The following EDNRB variants were observed in gnomAD, a reference collection of about 807,000 sequenced individuals.
EDNRB encodes endothelin receptor type B.
EDNRB carries 18 observed loss-of-function variants against 46.4 expected under a neutral mutation model. The ratio of observed to expected loss-of-function variants is 0.39; its 90% CI spans 0.27 to 0.57. EDNRB has a LOEUF of 0.57. EDNRB is among the 20% of genes least tolerant of loss of function. The pLI is 0.61. For missense variants in EDNRB, 434 were observed against 537.5 expected (o/e 0.81, Z 1.90); for synonymous variants, 213 against 204.9 (o/e 1.04, Z -0.34).
At chr13:77,928,525 T>C (rs1033899230) in intron 1 of EDNRB, among the ~76,000 whole-genome samples, 5 of 152,226 alleles carry the variant, frequency 3.3e-5, no homozygotes, top group Non-Finnish European at 7.3e-5. Flanking sequence ...GGAATGTCTT[T>C]CCTGAAAATG....
intron 1 of EDNRB, among the ~76,000 whole-genome samples, chr13:77,960,369 T>C (rs1055028916): frequency 6.6e-6 from 1 of 151,904 alleles, no homozygotes; most frequent in Middle Eastern, 3.2e-3. Context: ...CAGAAGAGAG[T>C]GGGGGCCAAT....
intron 1 of EDNRB, among the ~76,000 whole-genome samples, chr13:77,931,042 G>T (rs1174864151): frequency 1.3e-5 from 2 of 152,162 alleles, no homozygotes; most frequent in Non-Finnish European, 2.9e-5. Flanking sequence ...GTCTCCAGAT[G>T]CTGTTTTTGA....
At chr13:77,943,537 G>A (rs868590772) in intron 1 of EDNRB, among the ~76,000 whole-genome samples, 5 of 152,038 alleles carry the variant, frequency 3.3e-5, no homozygotes, top group Admixed American at 6.5e-5. Context: ...ACTAAACTTC[G>A]AAAGATATTC....
intron 1 of EDNRB, among the ~76,000 whole-genome samples, chr13:77,963,327 A>G (rs1881482547): frequency 6.6e-6 from 1 of 152,242 alleles, no homozygotes; most frequent in Admixed American, 6.5e-5. Context: ...TCCTAAGCCA[A>G]AAGAACAAAG....
Position 77,903,539 on chromosome 13 carries a change from A to G in EDNRB, c.552T>C (p.Ser184=), listed in dbSNP as rs5348. ...ATAGACTCAGCACAGTGATTCCCAC[A>G]GAGGCTTTCTGTATGAAAGGCACCA... ...CKLVPFIQKA[S]VGITVLSLCA... The change falls in exon 2 of 7, where the codon TCT becomes TCC. Residue 184 remains serine (S), a synonymous_variant. Transcript: ENST00000646607. The G allele has an allele frequency of 1, 1,607,908 of 1,612,874 alleles. 801,580 individuals are homozygous for G. The highest frequency in any genetic ancestry group is 1 in the East Asian group (44,806 of 44,810).
At chr13:77,963,077 C>T (rs1881474357) in intron 1 of EDNRB, among the ~76,000 whole-genome samples, 1 of 152,082 alleles carries the variant, frequency 6.6e-6, no homozygotes. Context: ...TGTGAAGGAC[C>T]TCTTCAAGGA....
chr13:77,924,189 C>T (rs1880166722), upstream of EDNRB, among the ~76,000 whole-genome samples: 1 of 152,150 alleles, frequency 6.6e-6, no homozygotes, highest in Non-Finnish European at 1.5e-5. Context: ...CAAAGCCATG[C>T]CAATTTCATA....
chr13:77,924,158 C>A (rs1444184077), upstream of EDNRB, among the ~76,000 whole-genome samples: 1 of 152,132 alleles, frequency 6.6e-6, no homozygotes, highest in African/African-American at 2.4e-5. Context: ...TTTGTCAAAG[C>A]GAGGGATCAT....
chr13:77,906,422 G>A (rs2137618241), intron 1 of EDNRB, among the ~76,000 whole-genome samples: 1 of 152,138 alleles, frequency 6.6e-6, no homozygotes, highest in South Asian at 2.1e-4. Flanking sequence ...CCCTGCCTTT[G>A]AATGTGGATT....
chr13:77,943,234 G>A (rs1168110886), intron 1 of EDNRB, among the ~76,000 whole-genome samples: 1 of 152,122 alleles, frequency 6.6e-6, no homozygotes, highest in Non-Finnish European at 1.5e-5. Flanking sequence ...CTGGTACACA[G>A]ACAGACTTGA....
At position 77,899,915 on chromosome 13, in the gene EDNRB, A is replaced by T; in HGVS notation, c.1138T>A (p.Cys380Ser). ...AAATACAGAGCAATTGGGTTAATGCAGGAATTCAGTGAAGCCATGTTGATA... is the reference window on the plus strand; with the variant it reads ...AAATACAGAGCAATTGGGTTAATGCTGGAATTCAGTGAAGCCATGTTGATA... ...IGINMASLNS[C>S]INPIALYLVS... The change falls in exon 6 of 7, where the codon TGC becomes AGC. Residue 380 changes from cysteine (C) to serine (S), a missense_variant. Cys to Ser is a moderately radical substitution (Grantham distance 112). Coordinates refer to ENST00000646607, the MANE Select transcript of EDNRB (RefSeq NM_001122659.3). 6.2e-7 allele frequency: 1 copy of T among 1,612,090 alleles called. No individual in the cohort carries two copies. The highest frequency in any genetic ancestry group is 1.1e-5 in the South Asian group (1 of 91,056).
chr13:77,926,664 C>T (rs571179673), intron 1 of EDNRB, among the ~76,000 whole-genome samples: 1 of 152,188 alleles, frequency 6.6e-6, no homozygotes, highest in Non-Finnish European at 1.5e-5. Flanking sequence ...TCTGAGCCCT[C>T]TAAACTCTTC....
intron 1 of EDNRB, among the ~76,000 whole-genome samples, chr13:77,910,861 T>C (rs907467800): frequency 2.6e-5 from 4 of 151,912 alleles, no homozygotes; most frequent in Non-Finnish European, 2.9e-5. Flanking sequence ...AATAGAACAA[T>C]GGCTTATGAA....
At chr13:77,936,964 C>A (rs1348194493) in intron 1 of EDNRB, among the ~76,000 whole-genome samples, 1 of 152,152 alleles carries the variant, frequency 6.6e-6, no homozygotes, top group Non-Finnish European at 1.5e-5. Flanking sequence ...TTATTGTACA[C>A]CTTGAAGGCG....
Position 77,896,568 on chromosome 13 carries a change from G to T in EDNRB, c.*1632C>A, listed in dbSNP as rs876657804. ...CAACATGTGGCCCAGCCTATTAAAA[G>T]AAAAACAAAGTAAAAATTTGGGCAT... On this transcript the variant is annotated 3_prime_UTR_variant, in exon 7 of 7. Coordinates refer to ENST00000646607, the MANE Select transcript of EDNRB (RefSeq NM_001122659.3). 6.5e-7 allele frequency: 1 copy of T among 1,549,328 alleles called. No individual in the cohort carries two copies. The highest frequency in any genetic ancestry group is 2.0e-5 in the Admixed American group (1 of 50,822).
intron 1 of EDNRB, among the ~76,000 whole-genome samples, chr13:77,933,919 A>C (rs1004867282): frequency 3.3e-5 from 5 of 152,214 alleles, no homozygotes; most frequent in Non-Finnish European, 7.3e-5. Flanking sequence ...ACTAAACAGA[A>C]TAAAAGAAGG....
intron 1 of EDNRB, among the ~76,000 whole-genome samples, chr13:77,966,752 GT>G (rs1441661010): frequency 2.0e-5 from 3 of 152,150 alleles, no homozygotes; most frequent in Non-Finnish European, 4.4e-5. Context: ...TTTTGCAGAA[GT>G]AAAAATTTTT....
At chr13:77,966,768 C>G (rs998923914) in intron 1 of EDNRB, among the ~76,000 whole-genome samples, 1 of 152,042 alleles carries the variant, frequency 6.6e-6, no homozygotes, top group South Asian at 2.1e-4. Flanking sequence ...ATTTTTTTAT[C>G]TCTTATATTT....
In EDNRB at chr13:77,895,612, T is replaced by C. The variant is rs202127789; in HGVS notation, c.*2588A>G. The C allele has an allele frequency of 6.6e-6, 1 of 152,076 alleles. No homozygotes were observed. The highest frequency in any genetic ancestry group is 2.4e-5 in the African/African-American group (1 of 41,444). 9.4% of individuals were successfully genotyped at this position (152,076 alleles called of 1,614,324 possible). A position where few individuals can be genotyped will look rare whatever the true frequency, so the allele number is the denominator to read the frequency against. ...AACAATCAATTAGTATTTAATGAAT[T>C]AGTGTCTGTACAGTGAAAAATAAGG... On this transcript the variant is annotated 3_prime_UTR_variant, in exon 7 of 7. Coordinates refer to ENST00000646607, the MANE Select transcript of EDNRB (RefSeq NM_001122659.3).
Sources: gnomAD v4.1 joint callset for allele counts (sites outside exome capture counted in the v4.1 genomes callset) on GRCh38, gnomAD v4.1.1 for gene constraint, MANE v1.5 for transcripts, NCBI Gene and HGNC (gene_info 2026-07-23, HGNC 2026-07-21) for gene names.